Variants in KCNH7 observed in about 807,000 individuals in gnomAD.
KCNH7 encodes voltage-gated inwardly rectifying potassium channel KCNH7.
A neutral mutation model predicts 120.8 loss-of-function variants in KCNH7; 49 were observed. The observed-to-expected ratio is 0.41, with a 90% confidence interval of 0.32 to 0.51. KCNH7 has a LOEUF of 0.51. Among genes scored for constraint, KCNH7 ranks in the 20% least tolerant of loss-of-function variants. The probability of loss-of-function intolerance (pLI) is 0.38; values close to 1 mark genes in which losing one functional copy is unlikely to be tolerated. For synonymous variants in KCNH7, 547 were observed against 516.1 expected (o/e 1.06, Z -0.81); for missense variants, 1,097 against 1,446.6 (o/e 0.76, Z 3.92).
At chr2:162,412,522 C>A (rs1687419544) in intron 9 of KCNH7, among the ~76,000 whole-genome samples, 1 of 151,902 alleles carries the variant, frequency 6.6e-6, no homozygotes, top group Non-Finnish European at 1.5e-5. Flanking sequence ...CTATATTTCC[C>A]AAGAAATAAC....
chr2:162,789,144 A>G (rs1683826676), intron 2 of KCNH7, among the ~76,000 whole-genome samples: 1 of 152,070 alleles, frequency 6.6e-6, no homozygotes, highest in African/African-American at 2.4e-5. Flanking sequence ...TGACTTCTTC[A>G]AGTTAAAACA....
chr2:162,663,499 C>T (rs1685038772), intron 2 of KCNH7, among the ~76,000 whole-genome samples: 1 of 152,106 alleles, frequency 6.6e-6, no homozygotes, highest in Non-Finnish European at 1.5e-5. Context: ...TTCTGATTAT[C>T]ACTAAATTCT....
chr2:162,389,252 T>A (rs955253835), intron 12 of KCNH7, among the ~76,000 whole-genome samples: 2 of 151,982 alleles, frequency 1.3e-5, no homozygotes, highest in African/African-American at 4.8e-5. Context: ...CTCTGAGAAT[T>A]GTTTCTCAGC....
intron 12 of KCNH7, among the ~76,000 whole-genome samples, chr2:162,390,170 A>C (rs1021899999): frequency 6.6e-6 from 1 of 151,858 alleles, no homozygotes; most frequent in African/African-American, 2.4e-5. Flanking sequence ...TGAGCAGAAC[A>C]CTGCAAATAT....
intron 2 of KCNH7, among the ~76,000 whole-genome samples, chr2:162,670,722 G>A (rs941480853): frequency 6.7e-6 from 1 of 150,326 alleles, no homozygotes; most frequent in Non-Finnish European, 1.5e-5. Context: ...AGAAAAAAAT[G>A]AAATAAGACC....
chr2:162,393,306 T>A (rs1407845562), intron 12 of KCNH7, among the ~76,000 whole-genome samples: 1 of 151,916 alleles, frequency 6.6e-6, no homozygotes, highest in African/African-American at 2.4e-5. Flanking sequence ...TTATAGGCAG[T>A]TGGATATGTG....
At chr2:162,432,774 A>G (rs546357554) in intron 8 of KCNH7, among the ~76,000 whole-genome samples, 34 of 152,072 alleles carry the variant, frequency 2.2e-4, no homozygotes, top group Admixed American at 2.0e-3. Context: ...CACTCTCACT[A>G]CTCCTATTCA....
At chr2:162,497,923 C>T (rs567143073) in intron 6 of KCNH7, among the ~76,000 whole-genome samples, 3 of 152,248 alleles carry the variant, frequency 2.0e-5, no homozygotes, top group African/African-American at 7.2e-5. Flanking sequence ...TGTTGGGAAT[C>T]TATTATGGCT....
chr2:162,573,340 G>C (rs1218299520), intron 2 of KCNH7, among the ~76,000 whole-genome samples: 1 of 151,852 alleles, frequency 6.6e-6, no homozygotes, highest in Non-Finnish European at 1.5e-5. Context: ...ACCACTCAAG[G>C]GCTGAAGAAG....
rs774776422 is a variant in KCNH7, at chr2:162,384,759, C to T, written c.2891G>A (p.Gly964Glu). The T allele has an allele frequency of 1.9e-5, 30 of 1,612,766 alleles. No individual in the cohort carries two copies. Among genetic ancestry groups the T allele is most frequent in the Non-Finnish European group, 2.5e-5 (30 of 1,179,112 alleles). Residue 964 changes from glycine (G) to glutamate (E), a missense_variant, in exon 13 of 16, where the codon GGG (glycine) becomes GAG (glutamate). Physicochemically the swap from Gly to Glu is moderately conservative, Grantham distance 98 (BLOSUM62 -2). Coordinates refer to ENST00000332142, the MANE Select transcript of KCNH7 (RefSeq NM_033272.4). ...DSSPGIGKAS[G>E]LDFEETVPTS... Reference sequence around the variant, plus strand: ...GGGCACTGTTTCTTCAAAATCGAGCCCAGATGCTTTCCCTATTCCTGGAGA... The same window carrying T: ...GGGCACTGTTTCTTCAAAATCGAGCTCAGATGCTTTCCCTATTCCTGGAGA...
At chr2:162,419,493 A>C (rs1212589669) in intron 9 of KCNH7, among the ~76,000 whole-genome samples, 3 of 152,072 alleles carry the variant, frequency 2.0e-5, no homozygotes, top group Non-Finnish European at 4.4e-5. Context: ...ATGAAATTGC[A>C]GAGAGGTTAA....
intron 2 of KCNH7, among the ~76,000 whole-genome samples, chr2:162,776,226 C>A (rs1327826299): frequency 6.6e-6 from 1 of 152,144 alleles, no homozygotes; most frequent in Non-Finnish European, 1.5e-5. Flanking sequence ...ACCTTCTCTA[C>A]CTACATGTAG....
intron 2 of KCNH7, among the ~76,000 whole-genome samples, chr2:162,558,528 C>A (rs761113412): frequency 9.0e-6 from 1 of 111,168 alleles, no homozygotes; most frequent in Admixed American, 9.3e-5. Flanking sequence ...TTTTTTTTGC[C>A]GAAACTGTTT....
At chr2:162,439,547 T>C (rs891544421) in intron 7 of KCNH7, among the ~76,000 whole-genome samples, 1 of 152,122 alleles carries the variant, frequency 6.6e-6, no homozygotes, top group Non-Finnish European at 1.5e-5. Context: ...GATTGAATAA[T>C]TTTCCAACTC....
intron 2 of KCNH7, among the ~76,000 whole-genome samples, chr2:162,671,739 G>GAA (rs1277827514): frequency 6.7e-6 from 1 of 149,354 alleles, no homozygotes; most frequent in Admixed American, 6.7e-5. Flanking sequence ...TTCAAAAAGA[G>GAA]AAAAAAAAGA....
At chr2:162,577,354 T>TATC (rs1489560906) in intron 2 of KCNH7, among the ~76,000 whole-genome samples, 2 of 63,162 alleles carry the variant, frequency 3.2e-5, no homozygotes, top group African/African-American at 4.6e-5. Context: ...CCATCCTATC[T>TATC]ATCTATCTAT....
intron 3 of KCNH7, among the ~76,000 whole-genome samples, chr2:162,520,704 G>A (rs1319900816): frequency 2.0e-5 from 3 of 151,854 alleles, no homozygotes; most frequent in Non-Finnish European, 4.4e-5. Flanking sequence ...ATGAGTTTGA[G>A]GCTACAGTTA....
At chr2:162,518,397 A>T (rs1691391542) in intron 3 of KCNH7, among the ~76,000 whole-genome samples, 1 of 151,858 alleles carries the variant, frequency 6.6e-6, no homozygotes, top group South Asian at 2.1e-4. Context: ...CACATCAGTG[A>T]CATAAAAGTA....
intron 2 of KCNH7, among the ~76,000 whole-genome samples, chr2:162,567,787 C>A (rs1693310256): frequency 6.6e-6 from 1 of 151,818 alleles, no homozygotes; most frequent in African/African-American, 2.4e-5. Flanking sequence ...TATTTTAAGA[C>A]CTTAAAGGTG....
Sources: gnomAD v4.1 joint callset for allele counts (sites outside exome capture counted in the v4.1 genomes callset) on GRCh38, gnomAD v4.1.1 for gene constraint, MANE v1.5 for transcripts, NCBI Gene and HGNC (gene_info 2026-07-23, HGNC 2026-07-21) for gene names.